HCRTR2: variants seen among roughly 807,000 people sequenced by gnomAD.
The protein encoded by HCRTR2 is orexin receptor type 2.
In HCRTR2, 22 loss-of-function variants were observed where a neutral mutation model predicts 49.0. That is an observed-to-expected ratio of 0.45 (90% CI 0.32 to 0.64). The LOEUF is 0.64. Among genes scored for constraint, HCRTR2 ranks in the 30% least tolerant of loss-of-function variants. The probability of loss-of-function intolerance (pLI) is 0.04; values close to 1 mark genes in which losing one functional copy is unlikely to be tolerated. For synonymous variants in HCRTR2, 236 were observed against 205.3 expected (o/e 1.15, Z -1.28); for missense variants, 491 against 559.4 (o/e 0.88, Z 1.23).
intron 4 of HCRTR2, among the ~76,000 whole-genome samples, chr6:55,267,448 A>T (rs1245390001): frequency 1.3e-5 from 2 of 149,190 alleles, no homozygotes; most frequent in Non-Finnish European, 1.5e-5. Context: ...GTACTCAGGA[A>T]ATTCTACAGA....
chr6:55,238,881 G>C (rs1169250304), intron 1 of HCRTR2, among the ~76,000 whole-genome samples: 2 of 152,184 alleles, frequency 1.3e-5, no homozygotes, highest in Non-Finnish European at 2.9e-5. Flanking sequence ...GTTCATTGCA[G>C]GTAGTAAGAT....
In HCRTR2 at chr6:55,274,570, A is replaced by G. The variant is rs566768886; in HGVS notation, c.763-2810A>G. Among the ~76,000 whole-genome samples the G allele has an allele frequency of 4.0e-4, 60 of 151,772 alleles. 2 individuals carry two copies. Among genetic ancestry groups the G allele is most frequent in the Middle Eastern group, 6.8e-3 (2 of 294 alleles). On this transcript the variant is annotated intron_variant, in intron 4 of 6. Coordinates refer to ENST00000370862, the MANE Select transcript of HCRTR2 (RefSeq NM_001384272.1). ...TTCTCAATAGAACCAATCTGTAGGC[A>G]TTTTATTTATTTTTCTTTTCTTCTT...
chr6:55,204,463 T>C (rs985951734), intron 1 of HCRTR2, among the ~76,000 whole-genome samples: 4 of 152,182 alleles, frequency 2.6e-5, no homozygotes, highest in Admixed American at 1.3e-4. Context: ...TCTTAGAATC[T>C]TCTATACAAA....
At chr6:55,220,961 TG>T (rs1278477387) in intron 1 of HCRTR2, among the ~76,000 whole-genome samples, 2 of 152,116 alleles carry the variant, frequency 1.3e-5, no homozygotes, top group African/African-American at 4.8e-5. Context: ...TTATCAAAAA[TG>T]ACTAAAATGT....
chr6:55,255,039 A>T (rs1468934850), intron 2 of HCRTR2, 97 bp from the exon 3 acceptor site: 4 of 1,376,574 alleles, frequency 2.9e-6, no homozygotes, highest in South Asian at 2.5e-5. Context: ...GAATTTGCTT[A>T]TATGTTGTGA....
At chr6:55,147,421 A>G (rs1456584996) in intron 1 of HCRTR2, among the ~76,000 whole-genome samples, 2 of 152,184 alleles carry the variant, frequency 1.3e-5, no homozygotes, top group Admixed American at 1.3e-4. Flanking sequence ...CTATTTACTG[A>G]TGTATATAGC....
intron 1 of HCRTR2, among the ~76,000 whole-genome samples, chr6:55,120,272 A>AT (rs1764177821): frequency 2.0e-5 from 3 of 150,504 alleles, no homozygotes; most frequent in Admixed American, 1.3e-4. Context: ...TTGGTTCCAT[A>AT]TTTTTTCCAA....
intron 1 of HCRTR2, among the ~76,000 whole-genome samples, chr6:55,233,181 C>T (rs938462366): frequency 6.6e-5 from 10 of 151,652 alleles, no homozygotes; most frequent in African/African-American, 2.4e-4. Context: ...CTCCGCCTCT[C>T]GGATTCTAGT....
intron 1 of HCRTR2, among the ~76,000 whole-genome samples, chr6:55,165,695 A>T (rs2127264673): frequency 7.0e-6 from 1 of 141,846 alleles, no homozygotes; most frequent in African/African-American, 2.6e-5. Flanking sequence ...CCTACAAAAT[A>T]GGAGAACATG....
At chr6:55,198,033 C>A (rs1331847326) in intron 1 of HCRTR2, among the ~76,000 whole-genome samples, 1 of 152,144 alleles carries the variant, frequency 6.6e-6, no homozygotes, top group African/African-American at 2.4e-5. Context: ...ACAAGAAACT[C>A]AATCCTATCT....
chr6:55,271,356 G>A (rs1474184194), intron 4 of HCRTR2, among the ~76,000 whole-genome samples: 1 of 152,086 alleles, frequency 6.6e-6, no homozygotes, highest in Non-Finnish European at 1.5e-5. Context: ...AAAGGATGGA[G>A]TTGAACCTCA....
chr6:55,121,469 T>C (rs12198187), intron 1 of HCRTR2, among the ~76,000 whole-genome samples: 42,712 of 152,116 alleles, frequency 0.28, 6,743 homozygotes, highest in Non-Finnish European at 0.36. Flanking sequence ...GCTTTATTTC[T>C]TTCTCTTGCC....
chr6:55,133,088 CA>C (rs1465426282), intron 1 of HCRTR2, among the ~76,000 whole-genome samples: 4 of 151,750 alleles, frequency 2.6e-5, no homozygotes, highest in Non-Finnish European at 5.9e-5. Context: ...GGTAAGATAA[CA>C]AGGTTGATTT....
chr6:55,278,147 T>C (rs1328664524), intron 5 of HCRTR2, among the ~76,000 whole-genome samples: 1 of 152,180 alleles, frequency 6.6e-6, no homozygotes, highest in Non-Finnish European at 1.5e-5. Flanking sequence ...AGTCACTGAA[T>C]GAAGCTCAGG....
At position 55,248,732 on chromosome 6, in the gene HCRTR2, C is replaced by A; in HGVS notation, c.317C>A (p.Thr106Asn). 1 of 1,613,422 alleles carries A rather than the reference C, an allele frequency of 6.2e-7. No individual in the cohort carries two copies. The highest frequency in any genetic ancestry group is 2.2e-5 in the East Asian group (1 of 44,860). The change falls in exon 2 of 7, where the codon ACC (threonine) becomes AAC (asparagine). Residue 106 changes from threonine to asparagine, a missense_variant. Coordinates refer to ENST00000370862, the MANE Select transcript of HCRTR2 (RefSeq NM_001384272.1). ...CTGGCTGATGTGCTCGTGACCATCA[C>A]CTGCCTTCCAGCCACACTGGTCGTG... ...LSLADVLVTITCLPATLVVDI... is the reference protein window; with the variant it reads ...LSLADVLVTINCLPATLVVDI...
chr6:55,177,317 T>C (rs1352458804), intron 1 of HCRTR2, among the ~76,000 whole-genome samples: 1 of 152,222 alleles, frequency 6.6e-6, no homozygotes, highest in Non-Finnish European at 1.5e-5. Context: ...TCTGACATAC[T>C]GCCTGAAAGT....
chr6:55,148,759 T>C (rs1171822580), intron 1 of HCRTR2, among the ~76,000 whole-genome samples: 1 of 152,110 alleles, frequency 6.6e-6, no homozygotes, highest in Non-Finnish European at 1.5e-5. Flanking sequence ...ATTCAGGTAA[T>C]ATATGTTTAT....
At chr6:55,244,117 C>G (rs1163937381) in intron 1 of HCRTR2, among the ~76,000 whole-genome samples, 2 of 151,816 alleles carry the variant, frequency 1.3e-5, no homozygotes, top group African/African-American at 4.8e-5. Flanking sequence ...GTGTATTTTA[C>G]GGGAAACATT....
chr6:55,129,566 G>C (rs1764326175), intron 1 of HCRTR2, among the ~76,000 whole-genome samples: 1 of 152,010 alleles, frequency 6.6e-6, no homozygotes, highest in Non-Finnish European at 1.5e-5. Context: ...TTATTCCATG[G>C]TCTCCTCTTT....
Sources: gnomAD v4.1 joint callset for allele counts (sites outside exome capture counted in the v4.1 genomes callset) on GRCh38, gnomAD v4.1.1 for gene constraint, MANE v1.5 for transcripts, NCBI Gene and HGNC (gene_info 2026-07-23, HGNC 2026-07-21) for gene names.